ADAMTSL1: variants seen among roughly 807,000 people sequenced by gnomAD.
ADAMTSL1 encodes ADAMTS like 1.
ADAMTSL1 carries 126 observed loss-of-function variants against 201.8 expected under a neutral mutation model. That is an observed-to-expected ratio of 0.62 (90% CI 0.54 to 0.72). The LOEUF is 0.72. Among genes scored for constraint, ADAMTSL1 ranks in the 30% least tolerant of loss-of-function variants. The pLI, the probability that ADAMTSL1 is intolerant of heterozygous loss-of-function variation, is 0.00. For synonymous variants in ADAMTSL1, 1,121 were observed against 903.4 expected (o/e 1.24, Z -4.32); for missense variants, 2,679 against 2,277.8 (o/e 1.18, Z -3.59).
intron 2 of ADAMTSL1, among the ~76,000 whole-genome samples, chr9:18,342,840 G>C (rs779723947): frequency 6.6e-5 from 10 of 152,098 alleles, no homozygotes; most frequent in Non-Finnish European, 1.3e-4. Context: ...CTGGACTCAA[G>C]AAAGATTTCA....
At chr9:18,330,796 G>A (rs553961630) in intron 2 of ADAMTSL1, among the ~76,000 whole-genome samples, 5 of 152,114 alleles carry the variant, frequency 3.3e-5, no homozygotes, top group Admixed American at 6.6e-5. Context: ...AATAGTTGGG[G>A]ATTATATTTT....
At chr9:18,170,908 A>G (rs534827842) in intron 2 of ADAMTSL1, among the ~76,000 whole-genome samples, 24 of 152,202 alleles carry the variant, frequency 1.6e-4, no homozygotes, top group Admixed American at 3.3e-4. Context: ...TGTACCAGGA[A>G]TACATCATCA....
chr9:18,269,877 C>A (rs532061984), intron 2 of ADAMTSL1, among the ~76,000 whole-genome samples: 107 of 149,034 alleles, frequency 7.2e-4, no homozygotes, highest in Non-Finnish European at 1.3e-3. Context: ...TGCATCCCAA[C>A]TGCTTATTTA....
chr9:18,907,037 T>C (rs750162122), intron 28 of ADAMTSL1, 125 bp downstream of exon 28: 15 of 1,090,966 alleles, frequency 1.4e-5, no homozygotes, highest in Non-Finnish European at 1.9e-5. Context: ...TGTGAGCTGG[T>C]GGTGGAGTTG....
intron 1 of ADAMTSL1, among the ~76,000 whole-genome samples, chr9:18,051,273 G>C (rs752038377): frequency 2.0e-5 from 3 of 152,136 alleles, no homozygotes; most frequent in East Asian, 1.9e-4. Context: ...TGCACTCCAG[G>C]CTGGGCGACA....
intron 1 of ADAMTSL1, among the ~76,000 whole-genome samples, chr9:18,107,270 G>T (rs960756916): frequency 4.6e-5 from 7 of 152,130 alleles, no homozygotes; most frequent in Non-Finnish European, 8.8e-5. Context: ...GAGCTGGATG[G>T]CTCCTAATCC....
intron 11 of ADAMTSL1, chr9:18,681,544 C>T (rs946503215): frequency 4.5e-6 from 1 of 224,700 alleles, no homozygotes; most frequent in East Asian, 9.8e-5. Context: ...AGACTTTGCA[C>T]ACAGTGGGTA....
intron 2 of ADAMTSL1, among the ~76,000 whole-genome samples, chr9:18,459,048 G>T (rs1820713343): frequency 6.6e-6 from 1 of 152,156 alleles, no homozygotes; most frequent in Non-Finnish European, 1.5e-5. Flanking sequence ...AGGGGGAAAA[G>T]GTGGGATCTT....
At chr9:18,565,607 G>T (rs989508253) in intron 3 of ADAMTSL1, among the ~76,000 whole-genome samples, 2 of 148,608 alleles carry the variant, frequency 1.3e-5, no homozygotes, top group Admixed American at 6.7e-5. Flanking sequence ...TTTTCAAAAA[G>T]GAGGGAAAAT....
intron 1 of ADAMTSL1, among the ~76,000 whole-genome samples, chr9:18,090,385 G>T (rs1236142423): frequency 6.6e-6 from 1 of 152,088 alleles, no homozygotes; most frequent in Non-Finnish European, 1.5e-5. Context: ...ACAAAATAGG[G>T]TATATACACT....
intron 2 of ADAMTSL1, among the ~76,000 whole-genome samples, chr9:18,183,766 A>C (rs1014414309): frequency 6.6e-6 from 1 of 152,206 alleles, no homozygotes; most frequent in African/African-American, 2.4e-5. Flanking sequence ...AAAAAGAATA[A>C]ACCAGTCTTT....
intron 4 of ADAMTSL1, among the ~76,000 whole-genome samples, chr9:18,621,941 G>A (rs1300243684): frequency 1.3e-5 from 2 of 152,022 alleles, no homozygotes; most frequent in African/African-American, 4.8e-5. Context: ...AATAATTCAG[G>A]ATCTTCTCAT....
At chr9:18,175,585 C>T (rs960246148) in intron 2 of ADAMTSL1, among the ~76,000 whole-genome samples, 2 of 152,140 alleles carry the variant, frequency 1.3e-5, no homozygotes, top group African/African-American at 2.4e-5. Flanking sequence ...TTTCTGAGAC[C>T]ACTTTTTGTT....
Position 18,028,158 on chromosome 9 carries a change from G to C in ADAMTSL1, c.87+121236G>C, listed in dbSNP as rs140079014. ...GAGTGTTAGGCTGTTTAAATTCAAG[G>C]TTACTATTGGTATGTGAGGTGTTGT... On this transcript the variant is annotated intron_variant, in intron 1 of 29. Coordinates refer to the ADAMTSL1 transcript ENST00000680146. 2.8e-3 allele frequency among the ~76,000 whole-genome samples: 422 copies of C among 152,004 alleles called. 2 individuals carry two copies. Among genetic ancestry groups the C allele is most frequent in the African/African-American group, 9.8e-3 (406 of 41,502 alleles).
At chr9:18,528,957 G>C (rs549458414) in intron 2 of ADAMTSL1, among the ~76,000 whole-genome samples, 27 of 151,952 alleles carry the variant, frequency 1.8e-4, no homozygotes, top group Non-Finnish European at 3.5e-4. Context: ...TCACTCAGCT[G>C]TTTTATATTA....
At chr9:18,156,619 A>G (rs1318120092) in intron 1 of ADAMTSL1, among the ~76,000 whole-genome samples, 3 of 135,504 alleles carry the variant, frequency 2.2e-5, no homozygotes, top group Non-Finnish European at 4.8e-5. Context: ...TAAGATTTAA[A>G]GCACAGACAT....
chr9:18,833,499 T>A (rs934117747), intron 23 of ADAMTSL1, among the ~76,000 whole-genome samples: 1 of 152,248 alleles, frequency 6.6e-6, no homozygotes, highest in African/African-American at 2.4e-5. Context: ...CGCATGTATA[T>A]CTTCTTTTGA....
chr9:18,541,424 C>G (rs1312224061), intron 3 of ADAMTSL1, among the ~76,000 whole-genome samples: 1 of 151,622 alleles, frequency 6.6e-6, no homozygotes, highest in Admixed American at 6.6e-5. Flanking sequence ...GCAGGAGAAT[C>G]GCGTGAAACC....
chr9:18,785,587 T>A (rs1175135147), intron 19 of ADAMTSL1, among the ~76,000 whole-genome samples: 1 of 152,204 alleles, frequency 6.6e-6, no homozygotes, highest in African/African-American at 2.4e-5. Flanking sequence ...GAAGCTAAAC[T>A]GTTCCTCGCT....
Sources: allele counts gnomAD v4.1 joint callset (sites outside exome capture counted in the v4.1 genomes callset), GRCh38; gene constraint gnomAD v4.1.1; transcripts MANE v1.5; gene names NCBI Gene and HGNC (gene_info 2026-07-23, HGNC 2026-07-21).